The following PCNX1 variants were observed in gnomAD, a reference collection of about 807,000 sequenced individuals.
PCNX1 encodes pecanex-like protein 1.
Under a neutral mutation model 242.2 loss-of-function variants are expected in PCNX1, and 78 were observed. The ratio of observed to expected loss-of-function variants is 0.32; its 90% CI spans 0.27 to 0.39. The LOEUF is 0.39. PCNX1 is among the 10% of genes least tolerant of loss of function. The pLI is 1.00. For synonymous variants in PCNX1, 1,024 were observed against 1,032.9 expected (o/e 0.99, Z 0.17); for missense variants, 2,581 against 2,856.5 (o/e 0.90, Z 2.20).
intron 30 of PCNX1, chr14:71,093,366 G>C (rs1161746989): frequency 1.3e-5 from 2 of 151,452 alleles, no homozygotes; most frequent in Admixed American, 1.3e-4. Flanking sequence ...TGTGGCTCTT[G>C]GACAAATTCA....
At chr14:70,966,876 G>A (rs2058395397) in intron 3 of PCNX1, among the ~76,000 whole-genome samples, 1 of 152,170 alleles carries the variant, frequency 6.6e-6, no homozygotes, top group South Asian at 2.1e-4. Context: ...TGTAGCAGGT[G>A]TTGTAAGAAT....
rs997112791 is a variant in PCNX1 at position 71,048,125 on chromosome 14, A to G, written c.4338+141A>G. 5 of 518,142 alleles carry G rather than the reference A, an allele frequency of 9.6e-6. No individual in the cohort carries two copies. In the Middle Eastern group the frequency reaches 1.6e-3, roughly 162 times the overall value. 32.1% of individuals were successfully genotyped at this position (518,142 alleles called of 1,614,324 possible). ...TCTTCAACCAGTTATTTAGGAGCAC[A>G]TTAGAATCCCTAAACAAAGATAGTC... On this transcript the variant is annotated intron_variant, in intron 22 of 35. Transcript: ENST00000304743.
intron 28 of PCNX1, among the ~76,000 whole-genome samples, chr14:71,084,701 C>G (rs2061940370): frequency 6.6e-6 from 1 of 152,178 alleles, no homozygotes; most frequent in Admixed American, 6.5e-5. Flanking sequence ...CTTCCCCCAC[C>G]AAGCTTGAGC....
At chr14:70,921,731 G>A (rs2056383679) in intron 1 of PCNX1, among the ~76,000 whole-genome samples, 1 of 152,064 alleles carries the variant, frequency 6.6e-6, no homozygotes, top group African/African-American at 2.4e-5. Context: ...GCTTCATCTA[G>A]ATTCCACTAT....
At chr14:70,962,871 T>C (rs540342089) in intron 3 of PCNX1, among the ~76,000 whole-genome samples, 1 of 152,328 alleles carries the variant, frequency 6.6e-6, no homozygotes, top group African/African-American at 2.4e-5. Flanking sequence ...TCATCCTAAA[T>C]ACCCGTACAC....
chr14:70,978,860 T>A (rs2058755885), intron 6 of PCNX1, among the ~76,000 whole-genome samples: 2 of 152,198 alleles, frequency 1.3e-5, no homozygotes, highest in Admixed American at 1.3e-4. Flanking sequence ...AATACTTGAA[T>A]ACGTCAATTT....
intron 2 of PCNX1, among the ~76,000 whole-genome samples, chr14:70,957,253 G>C (rs2058031298): frequency 6.6e-6 from 1 of 152,076 alleles, no homozygotes; most frequent in Non-Finnish European, 1.5e-5. Flanking sequence ...CCTCCCGCGT[G>C]CTAGGATTAC....
chr14:70,939,182 T>A (rs547188071), intron 1 of PCNX1, among the ~76,000 whole-genome samples: 2 of 152,226 alleles, frequency 1.3e-5, no homozygotes, highest in Non-Finnish European at 2.9e-5. Context: ...AGCTTTTGAA[T>A]GTGTTTGCTC....
At chr14:71,109,725 TA>T (rs1002060319) in intron 35 of PCNX1, 69 bp from the exon 36 acceptor site, 1 of 1,570,630 alleles carries the variant, frequency 6.4e-7, no homozygotes, top group African/African-American at 1.4e-5. Context: ...TAATCCTAGG[TA>T]GGGGTAAGAG....
At chr14:71,020,884 A>C (rs1209041210) in intron 12 of PCNX1, among the ~76,000 whole-genome samples, 1 of 152,122 alleles carries the variant, frequency 6.6e-6, no homozygotes, top group Non-Finnish European at 1.5e-5. Context: ...TAGGGTTTTT[A>C]TGGTTTTAGG....
At position 70,928,375 on chromosome 14, in the gene PCNX1, A is replaced by C. The variant is rs117597779; in HGVS notation, c.154-18540A>C. On this transcript the variant is annotated intron_variant, in intron 1 of 35. Coordinates refer to ENST00000304743, the MANE Select transcript of PCNX1 (RefSeq NM_014982.3). ...ATTGTGAATCCTGAAAAAATGTTGC[A>C]ATAGAATATATCAGGAACAAATGGG... is the stretch of plus-strand genomic sequence containing the variant. Among the ~76,000 whole-genome samples, 145 of 152,290 alleles carry C rather than the reference A, an allele frequency of 9.5e-4. 2 individuals carry two copies. The highest frequency in any genetic ancestry group is 1.6e-3 in the Non-Finnish European group (109 of 68,012).
At position 71,019,044 on chromosome 14, in the gene PCNX1, T is replaced by C. The variant is rs369793553; in HGVS notation, c.3032T>C (p.Ile1011Thr). The C allele has an allele frequency of 2.5e-6, 4 of 1,613,264 alleles. No homozygotes were observed. The highest frequency in any genetic ancestry group is 3.4e-6 in the Non-Finnish European group (4 of 1,179,584). Residue 1011 changes from isoleucine to threonine, a missense_variant, in exon 12 of 36, where the codon ATC becomes ACC. Physicochemically the swap from Ile to Thr is moderately conservative, Grantham distance 89. Transcript: ENST00000304743. ...REILENVLAV[I>T]LAILVAFLGS... Reference sequence around the variant, plus strand: ...ATCCTGGAAAATGTGTTAGCTGTCATCCTGGCTATTCTCGTGGCCTTTTTG... The same window carrying C: ...ATCCTGGAAAATGTGTTAGCTGTCACCCTGGCTATTCTCGTGGCCTTTTTG...
At chr14:70,975,708 G>A (rs2058669570) in intron 5 of PCNX1, among the ~76,000 whole-genome samples, 1 of 151,892 alleles carries the variant, frequency 6.6e-6, no homozygotes. Flanking sequence ...TTAAAAATCA[G>A]CTATTTTGCA....
chr14:70,997,708 A>C (rs1437283666), intron 8 of PCNX1, among the ~76,000 whole-genome samples: 1 of 152,204 alleles, frequency 6.6e-6, no homozygotes, highest in Non-Finnish European at 1.5e-5. Context: ...TTAGCACAAA[A>C]CAATCAATGG....
intron 8 of PCNX1, among the ~76,000 whole-genome samples, chr14:71,004,311 A>G (rs939545851): frequency 2.0e-5 from 3 of 152,224 alleles, no homozygotes; most frequent in African/African-American, 2.4e-5. Context: ...CTCCCAGGCC[A>G]TGGACTGGCA....
chr14:70,961,358 G>A (rs943764940), intron 2 of PCNX1, among the ~76,000 whole-genome samples: 7 of 152,078 alleles, frequency 4.6e-5, no homozygotes, highest in Non-Finnish European at 7.4e-5. Flanking sequence ...CAGAAATAAC[G>A]CCGCATATCT....
intron 16 of PCNX1, among the ~76,000 whole-genome samples, chr14:71,029,303 T>A (rs1309547472): frequency 1.3e-5 from 2 of 152,192 alleles, no homozygotes; most frequent in Non-Finnish European, 1.5e-5. Flanking sequence ...CATAAAAATT[T>A]AAAAATTTTT....
At position 70,988,659 on chromosome 14, in the gene PCNX1, A is replaced by G. The variant is rs764403012; in HGVS notation, c.2404A>G (p.Asn802Asp). 1 of 1,614,024 alleles carries G rather than the reference A, an allele frequency of 6.2e-7. No homozygotes were observed. The highest frequency in any genetic ancestry group is 8.5e-7 in the Non-Finnish European group (1 of 1,179,924). The change falls in exon 7 of 36, where the codon AAC becomes GAC. Residue 802 changes from asparagine (N) to aspartate (D), a missense_variant. By Grantham distance (23) the Asn-to-Asp change is conservative. Transcript: ENST00000304743. ...ACGGCGCCGGCACAATGCAGGGAGTAACCCTACCCCTCCTACATTGCTCAT... is the reference window on the plus strand; with the variant it reads ...ACGGCGCCGGCACAATGCAGGGAGTGACCCTACCCCTCCTACATTGCTCAT... ...AVRRRHNAGSNPTPPTLLIGS... is the reference protein window; with the variant it reads ...AVRRRHNAGSDPTPPTLLIGS...
intron 2 of PCNX1, among the ~76,000 whole-genome samples, chr14:70,949,107 T>C (rs371049902): frequency 7.1e-6 from 1 of 141,194 alleles, no homozygotes; most frequent in Admixed American, 7.0e-5. Context: ...CATACATGTA[T>C]ATACGTATAT....
Sources: gnomAD v4.1 joint callset for allele counts (sites outside exome capture counted in the v4.1 genomes callset) on GRCh38, gnomAD v4.1.1 for gene constraint, MANE v1.5 for transcripts, NCBI Gene and HGNC (gene_info 2026-07-23, HGNC 2026-07-21) for gene names.